Variants in SV2A observed in about 807,000 individuals in gnomAD.
SV2A encodes the protein synaptic vesicle glycoprotein 2A.
A neutral mutation model predicts 78.0 loss-of-function variants in SV2A; 25 were observed. That is an observed-to-expected ratio of 0.32 (90% CI 0.23 to 0.45). The LOEUF (loss-of-function observed/expected upper bound fraction) is 0.45. Ranked by LOEUF, SV2A falls within the 20% of genes least tolerant of loss-of-function variation. The pLI, the probability that SV2A is intolerant of heterozygous loss-of-function variation, is 1.00. For synonymous variants in SV2A, 355 were observed against 384.7 expected, an observed-to-expected ratio of 0.92 and a Z score of 0.90; for missense variants, 752 against 971.5, an observed-to-expected ratio of 0.77 and a Z score of 3.00.
chr1:149,909,951 AC>A (rs2092465247), intron 5 of SV2A, 61 bp from the exon 6 acceptor site: 9 of 1,505,878 alleles, frequency 6.0e-6, no homozygotes, highest in African/African-American at 1.4e-5. Context: ...AGAGTTATAG[AC>A]CCCCTCCCTC....
chr1:149,903,785 G>C lies in SV2A; in HGVS notation c.*1229C>G, dbSNP rs1553762275. ...GCACCAAAGAAAGCAGCCACACAGA[G>C]TAGGGTGGGATGGGGCAGCCTAACC... On this transcript the variant is annotated 3_prime_UTR_variant, in exon 13 of 13. Coordinates refer to ENST00000369146, the MANE Select transcript of SV2A (RefSeq NM_014849.5). The C allele has an allele frequency of 6.5e-6, 1 of 152,674 alleles. No individual in the cohort carries two copies. The highest frequency in any genetic ancestry group is 1.5e-5 in the Non-Finnish European group (1 of 68,094). The allele number at this position is 152,674 out of a possible 1,614,324, so 9.5% of individuals were successfully genotyped here.
chr1:149,905,399 GAGGTTAACAGTT>G, intron 12 of SV2A: 1 of 504,734 alleles, frequency 2.0e-6, no homozygotes, highest in Non-Finnish European at 3.5e-6. Flanking sequence ...ACCAAAAATT[GAGGTTAACAGTT>G]AAGACTTTGA....
intron 12 of SV2A, 121 bp from the exon 13 acceptor site, chr1:149,905,318 G>C: frequency 3.5e-6 from 3 of 867,446 alleles, no homozygotes; most frequent in African/African-American, 1.7e-5. Context: ...GAGAGAGAAG[G>C]TTGGAGAGAT....
chr1:149,908,320 TGGAGTCAACCTCTGTTA>T, intron 8 of SV2A, 114 bp from the exon 9 acceptor site: 3 of 1,282,396 alleles, frequency 2.3e-6, no homozygotes, highest in Non-Finnish European at 3.3e-6. Flanking sequence ...AAGGGAGAAA[TGGAGTCAACCTCTGTTA>T]GGACCTTGCT....
chr1:149,910,781 G>T lies in SV2A; in HGVS notation c.955+45C>A. 6.2e-7 allele frequency: 1 copy of T among 1,611,796 alleles called. No individual in the cohort carries two copies. Among genetic ancestry groups the T allele is most frequent in the Non-Finnish European group, 8.5e-7 (1 of 1,178,226 alleles). On this transcript the variant is annotated intron_variant, in intron 4 of 12. Coordinates refer to ENST00000369146, the MANE Select transcript of SV2A (RefSeq NM_014849.5). This position sits in a 1 kb window ranked among gnomAD's most constrained non-coding sequence, Gnocchi z 4.2. ...CCACCACAGGGAGCACAGAAGAAGA[G>T]GGAGGAGGGAGATAACCTGGGGTGG...
At chr1:149,912,057 G>T in intron 2 of SV2A, 77 bp from the exon 3 acceptor site, 4 of 1,437,176 alleles carry the variant, frequency 2.8e-6, no homozygotes, top group Non-Finnish European at 3.7e-6. Flanking sequence ...AGCACTGAGG[G>T]AGCTGAAGGA....
At chr1:149,912,396 G>T (rs2092481299) in intron 2 of SV2A, among the ~76,000 whole-genome samples, 1 of 151,960 alleles carries the variant, frequency 6.6e-6, no homozygotes, top group South Asian at 2.1e-4. Flanking sequence ...TGGGGAAAGG[G>T]GCTCCAATTC....
chr1:149,910,995 A>G lies in SV2A; in HGVS notation c.804-18T>C. Reference sequence around the variant, plus strand: ...CTCCAATCCTGAAGTGCATTTCAAGAATTCAGCATTAGCAAATGGCCATAG... The same window carrying G: ...CTCCAATCCTGAAGTGCATTTCAAGGATTCAGCATTAGCAAATGGCCATAG... On this transcript the variant is annotated intron_variant, in intron 3 of 12. Coordinates refer to ENST00000369146, the MANE Select transcript of SV2A (RefSeq NM_014849.5). The surrounding 1 kb of genome is among the most constrained non-coding windows in gnomAD (Gnocchi z 4.2). 1.2e-6 allele frequency: 2 copies of G among 1,610,254 alleles called. No homozygotes were observed. Among genetic ancestry groups the G allele is most frequent in the Non-Finnish European group, 1.7e-6 (2 of 1,178,332 alleles).
Position 149,908,168 on chromosome 1 carries a change from C to A in SV2A, c.1418G>T (p.Arg473Leu). The A allele has an allele frequency of 6.2e-7, 1 of 1,613,974 alleles. No homozygotes were observed. Among genetic ancestry groups the A allele is most frequent in the Non-Finnish European group, 8.5e-7 (1 of 1,179,936 alleles). ...TGCGTAGTCCACTGCCTGGAGATGG[C>A]GGATCATGTCAGGAAACCAGACGGT... Reference protein sequence around the residue: ...GLTVWFPDMIRHLQAVDYASR... With the variant: ...GLTVWFPDMILHLQAVDYASR... The change falls in exon 9 of 13, where the codon CGC becomes CTC. Residue 473 changes from arginine to leucine, a missense_variant. By Grantham distance (102) the Arg-to-Leu change is moderately radical (BLOSUM62 -2). Around this residue, in one of 7 missense-constraint regions of SV2A, gnomAD observed 81 missense variants for 74.2 expected, o/e 1.09. Transcript: ENST00000369146.
Position 149,907,817 on chromosome 1 carries a change from G to T in SV2A, c.1561C>A (p.Leu521Ile). 1 of 1,614,060 alleles carries T rather than the reference G, an allele frequency of 6.2e-7. No individual in the cohort carries two copies. Among genetic ancestry groups the T allele is most frequent in the Non-Finnish European group, 8.5e-7 (1 of 1,179,972 alleles). ...GAATCCTCAAAGGACACTGACTTGA[G>T]CCGCAGCCCAATGAACCTGTAAGGC... ...YFNDKFIGLR[L>I]KSVSFEDSLF... The change falls in exon 10 of 13, where the codon CTC becomes ATC. Residue 521 changes from leucine to isoleucine, a missense_variant. Coordinates refer to ENST00000369146, the MANE Select transcript of SV2A (RefSeq NM_014849.5).
At chr1:149,912,119 GA>G in intron 2 of SV2A, 139 bp from the exon 3 acceptor site, 1 of 815,190 alleles carries the variant, frequency 1.2e-6, no homozygotes. Context: ...GCAAGTGAGA[GA>G]AAATGAATGG....
In SV2A at chr1:149,913,710, C is replaced by G. The variant is rs1177766964; in HGVS notation, c.131G>C (p.Arg44Thr). Residue 44 changes from arginine to threonine, a missense_variant, in exon 2 of 13, where the codon AGA becomes ACA. Arg to Thr is a moderately conservative substitution (Grantham distance 71, BLOSUM62 -1). Transcript: ENST00000369146. ...CTCCTCCTCAAAGCGGGAGTACGATCTTCGGGAATATTCGTCCTGGACTCT... is the reference window on the plus strand; with the variant it reads ...CTCCTCCTCAAAGCGGGAGTACGATGTTCGGGAATATTCGTCCTGGACTCT... The part of the protein sequence containing the change: ...LDRVQDEYSR[R>T]SYSRFEEEDD... The G allele has an allele frequency of 6.2e-7, 1 of 1,613,976 alleles. No individual in the cohort carries two copies. Among genetic ancestry groups the G allele is most frequent in the East Asian group, 2.2e-5 (1 of 44,898 alleles).
At chr1:149,912,453 CCTT>C (rs1431868435) in intron 2 of SV2A, among the ~76,000 whole-genome samples, 1 of 152,194 alleles carries the variant, frequency 6.6e-6, no homozygotes, top group Non-Finnish European at 1.5e-5. Context: ...ATCCTTTACT[CCTT>C]CCAGTCTCAA....
rs144042890 is a variant in SV2A at position 149,908,072 on chromosome 1, A to T, written c.1514T>A (p.Ile505Asn). Residue 505 changes from isoleucine to asparagine, a missense_variant, in exon 9 of 13, where the codon ATC becomes AAC. Coordinates refer to ENST00000369146, the MANE Select transcript of SV2A (RefSeq NM_014849.5). The part of the protein sequence containing the change: ...VTFNFTLENQ[I>N]HRGGQYFNDK... ...ATTGAAGTACTGCCCGCCTCGGTGG[A>T]TCTGATTCTCCAACGTGAAGTTAAA... The T allele has an allele frequency of 4.3e-5, 70 of 1,614,108 alleles. 1 individual carries two copies. In the African/African-American group the frequency reaches 8.8e-4, roughly 20 times the overall value.
At position 149,904,537 on chromosome 1, in the gene SV2A, T is replaced by C. The variant is rs148128998; in HGVS notation, c.*477A>G. On this transcript the variant is annotated 3_prime_UTR_variant, in exon 13 of 13. Transcript: ENST00000369146. ...TTCTCCCCCAGCATCCAACAGGAGA[T>C]GTGAGAGGGCACCCGAGGCCCACTC... is the stretch of plus-strand genomic sequence containing the variant. 4.6e-3 allele frequency: 713 copies of C among 153,466 alleles called. 5 individuals are homozygous for C. The highest frequency in any genetic ancestry group is 0.017 in the Middle Eastern group (5 of 294). The allele number at this position is 153,466 out of a possible 1,614,324, so 9.5% of individuals were successfully genotyped here. A position where few individuals can be genotyped will look rare whatever the true frequency, so the allele number is the denominator to read the frequency against.
Position 149,909,762 on chromosome 1 carries a change from C to T in SV2A, c.1179+39G>A, listed in dbSNP as rs199766170. ...AGGGGCCAGGTAGGGGCTGGGGCTGCAGGGCGTGGAGGTCTGAGTCGGGAG... is the reference window on the plus strand; with the variant it reads ...AGGGGCCAGGTAGGGGCTGGGGCTGTAGGGCGTGGAGGTCTGAGTCGGGAG... On this transcript the variant is annotated intron_variant, in intron 6 of 12. Coordinates refer to ENST00000369146, the MANE Select transcript of SV2A (RefSeq NM_014849.5). 25 of 1,605,278 alleles carry T rather than the reference C, an allele frequency of 1.6e-5. No homozygotes were observed. In the South Asian group the frequency reaches 2.6e-4, roughly 17 times the overall value.
At position 149,910,583 on chromosome 1, in the gene SV2A, C is replaced by T; in HGVS notation, c.1076G>A (p.Arg359His). The T allele has an allele frequency of 6.2e-7, 1 of 1,607,022 alleles. No homozygotes were observed. Among genetic ancestry groups the T allele is most frequent in the Non-Finnish European group, 8.5e-7 (1 of 1,176,672 alleles). The part of the protein sequence containing the change: ...GALTTQPESP[R>H]FFLENGKHDE... ...CAGCCCCATCACCTCTAGGAAGAAACGGGGGCTCTCAGGCTGCGTGGTCAG... is the reference window on the plus strand; with the variant it reads ...CAGCCCCATCACCTCTAGGAAGAAATGGGGGCTCTCAGGCTGCGTGGTCAG... Residue 359 changes from arginine to histidine, a missense_variant, in exon 5 of 13, where the codon CGT (arginine) becomes CAT (histidine). By Grantham distance (29) the Arg-to-His change is conservative. Coordinates refer to ENST00000369146, the MANE Select transcript of SV2A (RefSeq NM_014849.5). This position sits in a 1 kb window ranked among gnomAD's most constrained non-coding sequence, Gnocchi z 4.2.
rs1278057739 is a variant in SV2A at position 149,904,720 on chromosome 1, C to T, written c.*294G>A. The T allele has an allele frequency of 9.5e-6, 3 of 315,216 alleles. No homozygotes were observed. Among genetic ancestry groups the T allele is most frequent in the South Asian group, 6.8e-5 (1 of 14,788 alleles). 19.5% of individuals were successfully genotyped at this position (315,216 alleles called of 1,614,324 possible). A position where few individuals can be genotyped will look rare whatever the true frequency, so the allele number is the denominator to read the frequency against. On this transcript the variant is annotated 3_prime_UTR_variant, in exon 13 of 13. Coordinates refer to ENST00000369146, the MANE Select transcript of SV2A (RefSeq NM_014849.5). Reference sequence around the variant, plus strand: ...ACCCCTGGAACAGGGAAGCAAGGGCCCCTCTCTAACAGGGGGAGAAGGATG... The same window carrying T: ...ACCCCTGGAACAGGGAAGCAAGGGCTCCTCTCTAACAGGGGGAGAAGGATG...
Position 149,910,081 on chromosome 1 carries a change from C to T in SV2A, c.1090-191G>A, listed in dbSNP as rs1553763469. Among the ~76,000 whole-genome samples the T allele has an allele frequency of 2.6e-5, 4 of 152,104 alleles. No homozygotes were observed. Among genetic ancestry groups the T allele is most frequent in the Non-Finnish European group, 5.9e-5 (4 of 68,026 alleles). On this transcript the variant is annotated intron_variant, in intron 5 of 12. Transcript: ENST00000369146. The surrounding 1 kb of genome is among the most constrained non-coding windows in gnomAD (Gnocchi z 4.2). ...GAAAGAGCCCCAAGCTGAGGTATAG[C>T]AAGACAATCAGACTTGGGCAAGAGC...
Sources: allele counts gnomAD v4.1 joint callset (sites outside exome capture counted in the v4.1 genomes callset), GRCh38; gene constraint gnomAD v4.1.1; regional missense constraint gnomAD v4.1.1; non-coding constraint Gnocchi (gnomAD v3.1); transcripts MANE v1.5; gene names NCBI Gene and HGNC (gene_info 2026-07-23, HGNC 2026-07-21).